The following CHST9 variants were observed in gnomAD, a reference collection of about 807,000 sequenced individuals.
The protein encoded by CHST9 is carbohydrate sulfotransferase 9.
A neutral mutation model predicts 44.4 loss-of-function variants in CHST9; 41 were observed. The observed-to-expected ratio is 0.92, with a 90% confidence interval of 0.72 to 1.20. CHST9 has a LOEUF of 1.20. CHST9 is among the 50% of genes most tolerant of loss of function. The pLI is 0.00. For missense variants in CHST9, 504 were observed against 516.5 expected, an observed-to-expected ratio of 0.98 and a Z score of 0.23; for synonymous variants, 171 against 178.4, an observed-to-expected ratio of 0.96 and a Z score of 0.33.
At chr18:26,925,784 C>A (rs1440435486) in intron 5 of CHST9, 1 of 152,158 alleles carries the variant, frequency 6.6e-6, no homozygotes, top group Admixed American at 6.5e-5. Flanking sequence ...TAAATATGTT[C>A]TCCATAAATA....
chr18:26,914,215 A>G lies in CHST9; in HGVS notation c.*2044T>C, dbSNP rs748403376. The G allele has an allele frequency of 6.6e-6, 1 of 152,214 alleles. No homozygotes were observed. The highest frequency in any genetic ancestry group is 1.5e-5 in the Non-Finnish European group (1 of 68,036). 9.4% of individuals were successfully genotyped at this position (152,214 alleles called of 1,614,324 possible). ...CCTGCCCAATGCATTACAAATGCCA[A>G]TAAGAGAGGTAGGACTGTTGTTTCC... On this transcript the variant is annotated 3_prime_UTR_variant, in exon 6 of 6. Coordinates refer to ENST00000618847, the MANE Select transcript of CHST9 (RefSeq NM_031422.6).
chr18:27,160,280 T>G (rs1357757655), intron 1 of CHST9, among the ~76,000 whole-genome samples: 1 of 152,240 alleles, frequency 6.6e-6, no homozygotes, highest in Non-Finnish European at 1.5e-5. Flanking sequence ...TTGAGATACA[T>G]CCCATCAATA....
intron 4 of CHST9, among the ~76,000 whole-genome samples, chr18:27,016,031 A>G (rs1381176429): frequency 6.6e-6 from 1 of 151,852 alleles, no homozygotes; most frequent in Non-Finnish European, 1.5e-5. Context: ...TATTCTACAG[A>G]CCTCCTGTCT....
At chr18:26,968,208 G>A (rs1188783885) in intron 4 of CHST9, among the ~76,000 whole-genome samples, 3 of 152,046 alleles carry the variant, frequency 2.0e-5, no homozygotes, top group Non-Finnish European at 2.9e-5. Context: ...AGAGAACCCT[G>A]ACTAATACAG....
chr18:26,966,459 ATC>A (rs1425976331), intron 4 of CHST9, among the ~76,000 whole-genome samples: 1 of 152,242 alleles, frequency 6.6e-6, no homozygotes, highest in Non-Finnish European at 1.5e-5. Context: ...TAAAAATTTC[ATC>A]TCTTTGCCTT....
In CHST9 at chr18:26,946,489, G is replaced by A. The variant is rs78299193; in HGVS notation, c.203-2123C>T. The stretch of plus-strand genomic sequence containing the variant: ...GCAGGAAACCCTGCAAAGAAGTCAG[G>A]TAGACCATTTTTGGGAAATTTAAGA... On this transcript the variant is annotated intron_variant, in intron 4 of 5. Coordinates refer to ENST00000618847, the MANE Select transcript of CHST9 (RefSeq NM_031422.6). Among the ~76,000 whole-genome samples the A allele has an allele frequency of 1.1e-4, 17 of 152,286 alleles. 1 individual carries two copies. The East Asian group carries it at 3.3e-3, about 29-fold the overall frequency.
intron 5 of CHST9, among the ~76,000 whole-genome samples, chr18:26,927,780 G>C (rs2055798662): frequency 6.6e-6 from 1 of 151,134 alleles, no homozygotes; most frequent in African/African-American, 2.4e-5. Context: ...ACTGCAAAGA[G>C]GCCTTCCTCT....
At chr18:26,970,044 G>A (rs371249584) in intron 4 of CHST9, among the ~76,000 whole-genome samples, 81 of 152,154 alleles carry the variant, frequency 5.3e-4, no homozygotes, top group Admixed American at 1.5e-3. Context: ...TCTCCAGGGC[G>A]TCTCCAGCAT....
At position 27,114,040 on chromosome 18, in the gene CHST9, G is replaced by A. The variant is rs571103692; in HGVS notation, c.121+28649C>T. Among the ~76,000 whole-genome samples the A allele has an allele frequency of 5.3e-5, 8 of 152,264 alleles. No homozygotes were observed. In the East Asian group the frequency reaches 1.5e-3, roughly 29 times the overall value. ...TAATGTTGTTAATCTAAGTAATACT[G>A]CTCTTGGACCTAGATAAAGCTGATG... On this transcript the variant is annotated intron_variant, in intron 2 of 5. Transcript: ENST00000618847.
intron 3 of CHST9, among the ~76,000 whole-genome samples, chr18:27,025,759 A>T (rs1442363346): frequency 6.6e-6 from 1 of 152,128 alleles, no homozygotes. Flanking sequence ...TTGTAATTGC[A>T]ACTCTATATT....
intron 4 of CHST9, among the ~76,000 whole-genome samples, chr18:27,005,204 G>A (rs2057001876): frequency 6.6e-6 from 1 of 152,132 alleles, no homozygotes; most frequent in African/African-American, 2.4e-5. Flanking sequence ...TTTTATGTCT[G>A]TAAAATGGGA....
chr18:26,960,370 G>T (rs1000321514), intron 4 of CHST9, among the ~76,000 whole-genome samples: 9 of 152,196 alleles, frequency 5.9e-5, no homozygotes, highest in African/African-American at 2.2e-4. Context: ...TAGTGAATAA[G>T]AAGAGACTCC....
At position 26,907,083 on chromosome 18, in the gene CHST9, G is replaced by T. The variant is rs539470004; in HGVS notation, c.*9176C>A. The T allele has an allele frequency of 6.6e-6, 1 of 152,452 alleles. No homozygotes were observed. Among genetic ancestry groups the T allele is most frequent in the East Asian group, 1.9e-4 (1 of 5,172 alleles). The allele number at this position is 152,452 out of a possible 1,614,324, so 9.4% of individuals were successfully genotyped here. On this transcript the variant is annotated 3_prime_UTR_variant, in exon 6 of 6. Transcript: ENST00000618847. ...CAGCTGTATGGAGGATGGCATTGAG[G>T]GAAATGAGAGTGGGAGAGAAGTTCA...
At position 27,161,027 on chromosome 18, in the gene CHST9, G is replaced by A. The variant is rs192675918; in HGVS notation, c.-96-18122C>T. 8.8e-3 allele frequency among the ~76,000 whole-genome samples: 1,342 copies of A among 152,046 alleles called. 7 individuals are homozygous for A. The highest frequency in any genetic ancestry group is 0.014 in the Non-Finnish European group (950 of 68,002). ...TTCTTCTTTATTAGTCTTGCTAGCC[G>A]TCTATCAATTTTGTTGATCTTTTCA... On this transcript the variant is annotated intron_variant, in intron 1 of 5. Transcript: ENST00000618847.
At chr18:26,948,338 A>T (rs936792410) in intron 4 of CHST9, among the ~76,000 whole-genome samples, 1 of 152,144 alleles carries the variant, frequency 6.6e-6, no homozygotes, top group African/African-American at 2.4e-5. Context: ...ATGGCACATT[A>T]TACCTATGTA....
At chr18:27,137,901 G>C (rs1016173216) in intron 2 of CHST9, among the ~76,000 whole-genome samples, 3 of 152,098 alleles carry the variant, frequency 2.0e-5, no homozygotes, top group African/African-American at 7.2e-5. Flanking sequence ...TAAACAACAA[G>C]CCATTCTTGT....
chr18:27,162,458 G>A (rs140864520), intron 1 of CHST9, among the ~76,000 whole-genome samples: 6,590 of 152,250 alleles, frequency 0.043, 201 homozygotes, highest in East Asian at 0.13. Flanking sequence ...CTGGCTTGTA[G>A]AGTTTCTGCC....
At chr18:26,972,851 T>C (rs1598606855) in intron 4 of CHST9, among the ~76,000 whole-genome samples, 2 of 152,128 alleles carry the variant, frequency 1.3e-5, no homozygotes, top group Admixed American at 6.5e-5. Flanking sequence ...TAAAATGCAG[T>C]TTTGGCTTCC....
intron 2 of CHST9, among the ~76,000 whole-genome samples, chr18:27,117,862 T>C (rs996470850): frequency 6.6e-6 from 1 of 152,224 alleles, no homozygotes; most frequent in Admixed American, 6.5e-5. Flanking sequence ...AATATTTGTG[T>C]GTATGTTTTG....
Sources: allele counts gnomAD v4.1 joint callset (sites outside exome capture counted in the v4.1 genomes callset), GRCh38; gene constraint gnomAD v4.1.1; transcripts MANE v1.5; gene names NCBI Gene and HGNC (gene_info 2026-07-23, HGNC 2026-07-21).